GPR139: variants seen among roughly 807,000 people sequenced by gnomAD.
GPR139 encodes G protein-coupled receptor 139, also known as probable G protein-coupled receptor 139.
GPR139 carries 12 observed loss-of-function variants against 25.8 expected under a neutral mutation model. The observed-to-expected ratio is 0.47, with a 90% CI of 0.30 to 0.75. GPR139 has a LOEUF of 0.75. GPR139 is among the 30% of genes least tolerant of loss of function. The probability of loss-of-function intolerance (pLI) is 0.07; values close to 1 mark genes in which losing one functional copy is unlikely to be tolerated. For synonymous variants in GPR139, 184 were observed against 179.9 expected (o/e 1.02, Z -0.18); for missense variants, 380 against 450.2 (o/e 0.84, Z 1.41).
intron 1 of GPR139, among the ~76,000 whole-genome samples, chr16:20,042,867 G>C (rs976100853): frequency 6.6e-6 from 1 of 152,098 alleles, no homozygotes; most frequent in Non-Finnish European, 1.5e-5. Flanking sequence ...GGTAATGGCT[G>C]TCTGGGTGCC....
At chr16:20,061,113 A>T (rs1279690327) in intron 1 of GPR139, among the ~76,000 whole-genome samples, 1 of 151,900 alleles carries the variant, frequency 6.6e-6, no homozygotes, top group Non-Finnish European at 1.5e-5. Context: ...GGGCAAAAAA[A>T]TGGGTCTTTT....
At chr16:20,056,517 G>A (rs893484799) in intron 1 of GPR139, among the ~76,000 whole-genome samples, 1 of 152,190 alleles carries the variant, frequency 6.6e-6, no homozygotes, top group African/African-American at 2.4e-5. Context: ...CAAGAATGTA[G>A]CTTCGGTTTT....
intron 1 of GPR139, among the ~76,000 whole-genome samples, chr16:20,034,345 T>C (rs952625324): frequency 3.9e-5 from 6 of 152,336 alleles, no homozygotes; most frequent in East Asian, 3.9e-4. Context: ...CACTCAGATT[T>C]AATACATTTT....
intron 1 of GPR139, among the ~76,000 whole-genome samples, chr16:20,065,985 A>T (rs1034063379): frequency 2.6e-5 from 4 of 152,048 alleles, no homozygotes; most frequent in African/African-American, 7.2e-5. Flanking sequence ...TAAGAGAAAT[A>T]GTTTGTTTTT....
rs2057276343 is a variant in GPR139 at position 20,028,704 on chromosome 16, C to T, written c.*3031G>A. Among the ~76,000 whole-genome samples, 2 of 152,186 alleles carry T rather than the reference C, an allele frequency of 1.3e-5. No individual in the cohort carries two copies. Among genetic ancestry groups the T allele is most frequent in the Non-Finnish European group, 1.5e-5 (1 of 68,038 alleles). ...CTGTCATTCCCCTCATTTCCTTCCC[C>T]ATGAGACATTTCAGCCGTCAAGTTG... is the stretch of plus-strand genomic sequence containing the variant. On this transcript the variant is annotated 3_prime_UTR_variant, in exon 2 of 2. Transcript: ENST00000570682.
At chr16:20,072,547 A>G (rs903948016) in intron 1 of GPR139, among the ~76,000 whole-genome samples, 1 of 152,140 alleles carries the variant, frequency 6.6e-6, no homozygotes, top group African/African-American at 2.4e-5. Context: ...TTTGTCACCA[A>G]GACTGCCTGC....
intron 1 of GPR139, among the ~76,000 whole-genome samples, chr16:20,052,156 C>T (rs981043118): frequency 1.3e-5 from 2 of 152,208 alleles, no homozygotes; most frequent in African/African-American, 4.8e-5. Flanking sequence ...GCAGTTCTCT[C>T]CTCTTCTAAC....
chr16:20,065,920 G>A (rs1238370532), intron 1 of GPR139, among the ~76,000 whole-genome samples: 1 of 151,602 alleles, frequency 6.6e-6, no homozygotes, highest in African/African-American at 2.4e-5. Context: ...TGCGTTTGAA[G>A]TGTTTTGAAG....
In GPR139 at chr16:20,029,562, TCACA is replaced by T. The variant is rs1567233355; in HGVS notation, c.*2169_*2172del. Among the ~76,000 whole-genome samples, 1 of 151,924 alleles carries T rather than the reference TCACA, an allele frequency of 6.6e-6. No individual in the cohort carries two copies. Among genetic ancestry groups the T allele is most frequent in the Non-Finnish European group, 1.5e-5 (1 of 68,012 alleles). ...CATAAGGGGGTGTAGTGGCGTTGCA[TCACA>T]CACACATTTAATGAACACATGTTCA... On this transcript the variant is annotated 3_prime_UTR_variant, in exon 2 of 2. Transcript: ENST00000570682.
chr16:20,028,451 C>T lies in GPR139; in HGVS notation c.*3284G>A, dbSNP rs2057275714. Among the ~76,000 whole-genome samples, 1 of 152,070 alleles carries T rather than the reference C, an allele frequency of 6.6e-6. No homozygotes were observed. Among genetic ancestry groups the T allele is most frequent in the African/African-American group, 2.4e-5 (1 of 41,414 alleles). ...ATTATAATACAAACAAGTCCAAACACAATATATAATCTAATTAAGAAAATA... is the reference window on the plus strand; with the variant it reads ...ATTATAATACAAACAAGTCCAAACATAATATATAATCTAATTAAGAAAATA... On this transcript the variant is annotated 3_prime_UTR_variant, in exon 2 of 2. Coordinates refer to ENST00000570682, the MANE Select transcript of GPR139 (RefSeq NM_001002911.4).
intron 1 of GPR139, among the ~76,000 whole-genome samples, chr16:20,070,517 C>T (rs1464608002): frequency 6.6e-6 from 1 of 152,202 alleles, no homozygotes; most frequent in Non-Finnish European, 1.5e-5. Flanking sequence ...CCTACACCAA[C>T]CAGTTAAAAA....
intron 1 of GPR139, among the ~76,000 whole-genome samples, chr16:20,040,764 A>G (rs2057326852): frequency 6.6e-6 from 1 of 152,146 alleles, no homozygotes. Flanking sequence ...TGGAGGCTAC[A>G]AAAGGATTTA....
chr16:20,053,829 CTT>C (rs34538715), intron 1 of GPR139, among the ~76,000 whole-genome samples: 114,214 of 150,426 alleles, frequency 0.76, 43,783 homozygotes, highest in East Asian at 0.97. Flanking sequence ...CTCTCATCTT[CTT>C]TTTTTTTTTT....
intron 1 of GPR139, among the ~76,000 whole-genome samples, chr16:20,047,580 GA>G (rs902084975): frequency 1.4e-4 from 21 of 152,172 alleles, no homozygotes; most frequent in African/African-American, 4.6e-4. Context: ...ACATCGGGGG[GA>G]AAATGAACTA....
At chr16:20,060,896 C>T (rs1251739551) in intron 1 of GPR139, among the ~76,000 whole-genome samples, 2 of 152,190 alleles carry the variant, frequency 1.3e-5, no homozygotes, top group Non-Finnish European at 1.5e-5. Context: ...CCATGTCCTT[C>T]AGATTTCGAT....
At chr16:20,062,490 GC>G (rs1255368560) in intron 1 of GPR139, among the ~76,000 whole-genome samples, 2 of 152,306 alleles carry the variant, frequency 1.3e-5, no homozygotes, top group African/African-American at 4.8e-5. Context: ...AATTTATAAA[GC>G]CTTCAGAACT....
At chr16:20,066,376 T>G (rs1279231225) in intron 1 of GPR139, among the ~76,000 whole-genome samples, 1 of 152,258 alleles carries the variant, frequency 6.6e-6, no homozygotes, top group African/African-American at 2.4e-5. Context: ...TTTCATGTTC[T>G]GCACTGATAT....
chr16:20,057,851 G>A (rs930533396), intron 1 of GPR139, among the ~76,000 whole-genome samples: 6 of 152,140 alleles, frequency 3.9e-5, no homozygotes, highest in African/African-American at 1.2e-4. Flanking sequence ...TGTAGAACTA[G>A]TCTAATTTTA....
At chr16:20,037,244 G>A (rs2057313138) in intron 1 of GPR139, among the ~76,000 whole-genome samples, 1 of 152,116 alleles carries the variant, frequency 6.6e-6, no homozygotes, top group African/African-American at 2.4e-5. Context: ...TTGAGGTCAG[G>A]AGTTCCAGAC....
Sources: gnomAD v4.1 joint callset for allele counts (sites outside exome capture counted in the v4.1 genomes callset) on GRCh38, gnomAD v4.1.1 for gene constraint, MANE v1.5 for transcripts, NCBI Gene and HGNC (gene_info 2026-07-23, HGNC 2026-07-21) for gene names.